Variants in LRFN5 observed in about 807,000 individuals in gnomAD.
LRFN5 encodes leucine rich repeat and fibronectin type III domain containing 5.
LRFN5 carries 24 observed loss-of-function variants against 45.6 expected under a neutral mutation model. The ratio of observed to expected loss-of-function variants is 0.53; its 90% CI spans 0.38 to 0.74. The LOEUF is 0.74. LRFN5 is among the 30% of genes least tolerant of loss of function. The probability of loss-of-function intolerance (pLI) is 0.00; values close to 1 mark genes in which losing one functional copy is unlikely to be tolerated. For missense variants in LRFN5, 776 were observed against 861.5 expected (o/e 0.90, Z 1.24); for synonymous variants, 340 against 313.8 (o/e 1.08, Z -0.88).
At chr14:41,825,757 G>A (rs1021774742) in intron 2 of LRFN5, among the ~76,000 whole-genome samples, 1 of 152,154 alleles carries the variant, frequency 6.6e-6, no homozygotes, top group Non-Finnish European at 1.5e-5. Context: ...GGGGGAGGGT[G>A]AGTTACCCTT....
At chr14:41,785,596 GT>G (rs754200269) in intron 2 of LRFN5, among the ~76,000 whole-genome samples, 2 of 152,090 alleles carry the variant, frequency 1.3e-5, no homozygotes, top group Non-Finnish European at 2.9e-5. Flanking sequence ...GAGGAAGGTG[GT>G]TTTTCAATGA....
In LRFN5 at chr14:41,815,603, C is replaced by T. The variant is rs535004344; in HGVS notation, c.-21+48574C>T. Among the ~76,000 whole-genome samples, 205 of 151,878 alleles carry T rather than the reference C, an allele frequency of 1.3e-3. 1 individual carries two copies. Among genetic ancestry groups the T allele is most frequent in the Non-Finnish European group, 1.4e-3 (95 of 67,882 alleles). On this transcript the variant is annotated intron_variant, in intron 2 of 5. Coordinates refer to ENST00000298119, the MANE Select transcript of LRFN5 (RefSeq NM_152447.5). The stretch of plus-strand genomic sequence containing the variant: ...AATAAAAATACTTAGCCAGGTGTGG[C>T]GGTGCATGCCTGTGGCCCCAGCTAC...
intron 2 of LRFN5, among the ~76,000 whole-genome samples, chr14:41,868,655 C>T (rs1889917558): frequency 6.6e-6 from 1 of 152,102 alleles, no homozygotes; most frequent in Non-Finnish European, 1.5e-5. Context: ...CCTTCCACTG[C>T]GTTAGCAGTA....
At chr14:41,647,602 TATTA>T (rs1390607801) in intron 1 of LRFN5, among the ~76,000 whole-genome samples, 10 of 152,126 alleles carry the variant, frequency 6.6e-5, no homozygotes, top group African/African-American at 2.4e-4. Context: ...ATAATATGGA[TATTA>T]ATTATAATTT....
chr14:41,835,717 A>T (rs1021239232), intron 2 of LRFN5, among the ~76,000 whole-genome samples: 1 of 151,998 alleles, frequency 6.6e-6, no homozygotes, highest in Non-Finnish European at 1.5e-5. Flanking sequence ...ACAGAGTGGG[A>T]CCACGTCTCA....
At chr14:41,712,756 A>G (rs1286691135) in intron 1 of LRFN5, among the ~76,000 whole-genome samples, 1 of 152,138 alleles carries the variant, frequency 6.6e-6, no homozygotes, top group East Asian at 1.9e-4. Context: ...TCTCATGCCC[A>G]AACTTTCCAC....
At chr14:41,875,891 C>A (rs562164056) in intron 2 of LRFN5, among the ~76,000 whole-genome samples, 51 of 152,216 alleles carry the variant, frequency 3.4e-4, no homozygotes, top group Non-Finnish European at 6.6e-4. Flanking sequence ...TGACTTCTTA[C>A]ATAAATCAGG....
At chr14:41,737,618 A>G (rs1377522730) in intron 1 of LRFN5, among the ~76,000 whole-genome samples, 2 of 152,332 alleles carry the variant, frequency 1.3e-5, no homozygotes, top group East Asian at 1.9e-4. Context: ...TCTCAGCCCA[A>G]AAACTCCTTA....
chr14:41,629,908 G>A (rs1013149971), intron 1 of LRFN5, among the ~76,000 whole-genome samples: 1 of 151,994 alleles, frequency 6.6e-6, no homozygotes, highest in African/African-American at 2.4e-5. Context: ...TGGCTGTTTT[G>A]TATCAGAGCT....
chr14:41,848,569 T>A (rs1266675792), intron 2 of LRFN5, among the ~76,000 whole-genome samples: 1 of 152,012 alleles, frequency 6.6e-6, no homozygotes, highest in African/African-American at 2.4e-5. Flanking sequence ...GTTTAGACTG[T>A]AGGAAAGTCC....
At chr14:41,690,040 C>A (rs1882305960) in intron 1 of LRFN5, among the ~76,000 whole-genome samples, 2 of 151,874 alleles carry the variant, frequency 1.3e-5, no homozygotes, top group African/African-American at 4.8e-5. Flanking sequence ...CCAGAATTAC[C>A]CTCATACCAA....
rs545218116 is a variant in LRFN5, at chr14:41,686,908, G to A, written c.-197+78346G>A. 1.1e-4 allele frequency among the ~76,000 whole-genome samples: 16 copies of A among 152,276 alleles called. 1 individual carries two copies. In the South Asian group the frequency reaches 2.9e-3, roughly 28 times the overall value. On this transcript the variant is annotated intron_variant, in intron 1 of 5. Transcript: ENST00000298119. Reference sequence around the variant, plus strand: ...CCATCAAAGTTCATCAGGGATATTGGCCTGAAGTTTTCTTTTTTTGTTGTG... The same window carrying A: ...CCATCAAAGTTCATCAGGGATATTGACCTGAAGTTTTCTTTTTTTGTTGTG...
chr14:41,824,746 G>A (rs1888236263), intron 2 of LRFN5, among the ~76,000 whole-genome samples: 1 of 152,092 alleles, frequency 6.6e-6, no homozygotes, highest in Admixed American at 6.6e-5. Context: ...CTGATGCCCT[G>A]AGTTTCCTTC....
Position 41,894,790 on chromosome 14 carries a change from G to T in LRFN5, c.2098+2828G>T, listed in dbSNP as rs114327602. 3.3e-3 allele frequency: 3,200 copies of T among 981,428 alleles called. 79 individuals are homozygous for T. The African/African-American group carries it at 0.051, about 16-fold the overall frequency. The allele number at this position is 981,428 out of a possible 1,614,324, so 60.8% of individuals were successfully genotyped here. On this transcript the variant is annotated intron_variant, in intron 4 of 5. Transcript: ENST00000298119. Reference sequence around the variant, plus strand: ...TGGAAATAAGAATTTTCATTTGTTAGTACAATACAGATTTGTTATCTAAAT... The same window carrying T: ...TGGAAATAAGAATTTTCATTTGTTATTACAATACAGATTTGTTATCTAAAT...
intron 2 of LRFN5, among the ~76,000 whole-genome samples, chr14:41,784,066 T>G (rs1385497929): frequency 6.6e-6 from 1 of 152,132 alleles, no homozygotes; most frequent in African/African-American, 2.4e-5. Flanking sequence ...GATTTTTTTC[T>G]TAATCAAAAA....
chr14:41,824,545 TC>T (rs1259607071), intron 2 of LRFN5, among the ~76,000 whole-genome samples: 10 of 152,328 alleles, frequency 6.6e-5, no homozygotes, highest in Admixed American at 5.9e-4. Flanking sequence ...AGGAAGCTTA[TC>T]TTACACCCAG....
intron 1 of LRFN5, among the ~76,000 whole-genome samples, chr14:41,729,126 T>C (rs1264014293): frequency 1.3e-5 from 2 of 152,166 alleles, no homozygotes; most frequent in African/African-American, 4.8e-5. Flanking sequence ...TCTCCAAATC[T>C]CATGTCGAAA....
chr14:41,700,738 A>C (rs1882809664), intron 1 of LRFN5: 1 of 152,132 alleles, frequency 6.6e-6, no homozygotes, highest in Admixed American at 6.6e-5. Context: ...GAAACTTAGA[A>C]CTAATATTGT....
chr14:41,655,961 AGTTATTT>A (rs1277178614), intron 1 of LRFN5, among the ~76,000 whole-genome samples: 1 of 152,008 alleles, frequency 6.6e-6, no homozygotes, highest in Non-Finnish European at 1.5e-5. Flanking sequence ...AGTGCTTATT[AGTTATTT>A]TGCACTTTTA....
Sources: gnomAD v4.1 joint callset for allele counts (sites outside exome capture counted in the v4.1 genomes callset) on GRCh38, gnomAD v4.1.1 for gene constraint, MANE v1.5 for transcripts, NCBI Gene and HGNC (gene_info 2026-07-23, HGNC 2026-07-21) for gene names.